PHLDB2: variants seen among roughly 807,000 people sequenced by gnomAD.
PHLDB2 encodes pleckstrin homology like domain family B member 2, also known as pleckstrin homology-like domain family B member 2.
PHLDB2 carries 71 observed loss-of-function variants against 123.6 expected under a neutral mutation model. That is an observed-to-expected ratio of 0.57 (90% CI 0.47 to 0.70). The LOEUF is 0.70. Ranked by LOEUF, PHLDB2 falls within the 30% of genes least tolerant of loss-of-function variation. The pLI is 0.00. For missense variants in PHLDB2, 1,446 were observed against 1,519.5 expected, an observed-to-expected ratio of 0.95 and a Z score of 0.80; for synonymous variants, 547 against 541.6, an observed-to-expected ratio of 1.01 and a Z score of -0.14.
chr3:111,820,829 G>C (rs1255939899), intron 1 of PHLDB2, among the ~76,000 whole-genome samples: 2 of 152,230 alleles, frequency 1.3e-5, no homozygotes, highest in Non-Finnish European at 2.9e-5. Context: ...ATATCCCGTT[G>C]CCCAAGTATA....
chr3:111,906,149 A>G (rs1173037521), intron 2 of PHLDB2, among the ~76,000 whole-genome samples: 1 of 152,224 alleles, frequency 6.6e-6, no homozygotes, highest in Non-Finnish European at 1.5e-5. Flanking sequence ...GGCGCAATAA[A>G]CTATTACAAT....
chr3:111,830,568 G>C (rs1203552851), intron 1 of PHLDB2, among the ~76,000 whole-genome samples: 1 of 150,048 alleles, frequency 6.7e-6, no homozygotes, highest in East Asian at 2.0e-4. Context: ...CCAGCACTTT[G>C]GGAGGCCGAG....
At chr3:111,742,882 T>C (rs1344450814) in intron 1 of PHLDB2, among the ~76,000 whole-genome samples, 1 of 152,192 alleles carries the variant, frequency 6.6e-6, no homozygotes, top group Non-Finnish European at 1.5e-5. Context: ...GACACCTTGC[T>C]AAGGGATATA....
Position 111,779,899 on chromosome 3 carries a change from G to A in PHLDB2, c.-49+47196G>A, listed in dbSNP as rs912205534. The A allele has an allele frequency of 4.2e-5, 41 of 976,744 alleles. No individual in the cohort carries two copies. The African/African-American group carries it at 5.8e-4, about 14-fold the overall frequency. 60.5% of individuals were successfully genotyped at this position (976,744 alleles called of 1,614,324 possible). ...AGTCAATCAGCCATGGCCAATGAAGGGTTGGGTCATACACCCAACACTTGG... is the reference window on the plus strand; with the variant it reads ...AGTCAATCAGCCATGGCCAATGAAGAGTTGGGTCATACACCCAACACTTGG... On this transcript the variant is annotated intron_variant, in intron 1 of 17. Transcript: ENST00000393923.
intron 1 of PHLDB2, among the ~76,000 whole-genome samples, chr3:111,830,642 T>C (rs1244884942): frequency 1.3e-5 from 2 of 148,210 alleles, no homozygotes; most frequent in African/African-American, 5.0e-5. Flanking sequence ...ACCCCGTCTC[T>C]ACTAAAAATA....
chr3:111,821,122 T>C (rs1459813807), intron 1 of PHLDB2, among the ~76,000 whole-genome samples: 2 of 152,142 alleles, frequency 1.3e-5, no homozygotes, highest in Non-Finnish European at 2.9e-5. Flanking sequence ...GAGTATCCAG[T>C]GTAAGTCTTA....
rs546009035 is a variant in PHLDB2 at position 111,732,722 on chromosome 3, C to T, written c.-49+19C>T. The stretch of plus-strand genomic sequence containing the variant: ...AGACAAGGTAGGTGATCTCTCTGGT[C>T]ACTGGCCCTTCTCTTGTAATAACAA... On this transcript the variant is annotated intron_variant, in intron 1 of 17. Coordinates refer to the PHLDB2 transcript ENST00000393923. 101 of 1,523,670 alleles carry T rather than the reference C, an allele frequency of 6.6e-5. No homozygotes were observed. In the East Asian group the frequency reaches 2.5e-3, roughly 37 times the overall value. The allele number at this position is 1,523,670 out of a possible 1,614,324, so 94.4% of individuals were successfully genotyped here. A position where few individuals can be genotyped will look rare whatever the true frequency, so the allele number is the denominator to read the frequency against.
intron 1 of PHLDB2, among the ~76,000 whole-genome samples, chr3:111,841,354 A>G (rs1338801852): frequency 6.6e-6 from 1 of 151,906 alleles, no homozygotes; most frequent in African/African-American, 2.4e-5. Context: ...AGGAGGGGGG[A>G]ACTGTAAAGG....
At chr3:111,957,697 G>A (rs1338589764) in intron 12 of PHLDB2, among the ~76,000 whole-genome samples, 1 of 152,226 alleles carries the variant, frequency 6.6e-6, no homozygotes, top group Non-Finnish European at 1.5e-5. Flanking sequence ...TCATTTCATT[G>A]GAGCCTGTTT....
chr3:111,868,369 A>G (rs1488586419), intron 1 of PHLDB2, among the ~76,000 whole-genome samples: 1 of 152,046 alleles, frequency 6.6e-6, no homozygotes, highest in Non-Finnish European at 1.5e-5. Flanking sequence ...ATCCAAAACC[A>G]TGTCCACACA....
chr3:111,842,252 T>TTC (rs1040782311), intron 1 of PHLDB2, among the ~76,000 whole-genome samples: 3 of 152,236 alleles, frequency 2.0e-5, no homozygotes, highest in African/African-American at 7.2e-5. Flanking sequence ...GACTTTAAGC[T>TTC]TCTGCTTTTT....
At chr3:111,846,300 T>C (rs528651130) in intron 2 of PHLDB2, 32 of 193,346 alleles carry the variant, frequency 1.7e-4, no homozygotes, top group Non-Finnish European at 3.4e-4. Context: ...GCCTTTAGAC[T>C]CCAGCAGAGT....
chr3:111,910,683 G>A (rs1472664971), intron 2 of PHLDB2, among the ~76,000 whole-genome samples: 1 of 152,198 alleles, frequency 6.6e-6, no homozygotes, highest in Non-Finnish European at 1.5e-5. Flanking sequence ...CATGATGAAT[G>A]GGAAGGAAGA....
intron 1 of PHLDB2, among the ~76,000 whole-genome samples, chr3:111,748,558 G>T (rs566688696): frequency 6.6e-6 from 1 of 151,964 alleles, no homozygotes; most frequent in Admixed American, 6.6e-5. Context: ...TGAGACACTT[G>T]TTGCCCAGAC....
rs772379628 is a variant in PHLDB2 at position 111,885,368 on chromosome 3, C to G, written c.1291C>G (p.Arg431Gly). The G allele has an allele frequency of 6.2e-7, 1 of 1,614,050 alleles. No individual in the cohort carries two copies. Among genetic ancestry groups the G allele is most frequent in the Non-Finnish European group, 8.5e-7 (1 of 1,180,002 alleles). Residue 431 changes from arginine to glycine, a missense_variant, in exon 2 of 18, where the codon CGG becomes GGG. Around this residue, in one of 3 missense-constraint regions of PHLDB2, gnomAD observed 832 missense variants for 831.9 expected, o/e 1.00. Coordinates refer to ENST00000431670, the MANE Select transcript of PHLDB2 (RefSeq NM_001134438.2). ...GRDDLMDYHR[R>G]QREERLREQE... ...TGATGACCTGATGGATTATCACCGG[C>G]GGCAGAGGGAGGAAAGACTCAGGGA...
chr3:111,751,677 G>A (rs1270134263), intron 1 of PHLDB2, among the ~76,000 whole-genome samples: 1 of 142,466 alleles, frequency 7.0e-6, no homozygotes, highest in Non-Finnish European at 1.5e-5. Context: ...ATGCCAAGGA[G>A]GTAAAGAGAT....
chr3:111,880,221 A>G (rs1301311587), intron 1 of PHLDB2, among the ~76,000 whole-genome samples: 5 of 152,054 alleles, frequency 3.3e-5, no homozygotes, highest in Non-Finnish European at 5.9e-5. Context: ...GTTCTCTACC[A>G]TAGCATTGAC....
chr3:111,772,743 T>C (rs1251650102), intron 1 of PHLDB2, among the ~76,000 whole-genome samples: 1 of 152,226 alleles, frequency 6.6e-6, no homozygotes, highest in Admixed American at 6.5e-5. Flanking sequence ...AGGGCTTAGC[T>C]ATACCTATAG....
At chr3:111,959,668 T>A (rs1356305497) in intron 12 of PHLDB2, among the ~76,000 whole-genome samples, 1 of 152,202 alleles carries the variant, frequency 6.6e-6, no homozygotes, top group Non-Finnish European at 1.5e-5. Flanking sequence ...TCATTTTAGT[T>A]TACTATCTCC....
Sources: allele counts gnomAD v4.1 joint callset (sites outside exome capture counted in the v4.1 genomes callset), GRCh38; gene constraint gnomAD v4.1.1; regional missense constraint gnomAD v4.1.1; transcripts MANE v1.5; gene names NCBI Gene and HGNC (gene_info 2026-07-23, HGNC 2026-07-21).